NR6A1: variants seen among roughly 807,000 people sequenced by gnomAD.
NR6A1 encodes nuclear receptor subfamily 6 group A member 1.
NR6A1 carries 7 observed loss-of-function variants against 59.1 expected under a neutral mutation model. The ratio of observed to expected loss-of-function variants is 0.12; its 90% CI spans 0.07 to 0.22. The LOEUF is 0.22. Among genes scored for constraint, NR6A1 ranks in the 10% least tolerant of loss-of-function variants. NR6A1 has a pLI of 1.00. For synonymous variants in NR6A1, 243 were observed against 236.1 expected, an observed-to-expected ratio of 1.03 and a Z score of -0.27; for missense variants, 468 against 611.6, an observed-to-expected ratio of 0.77 and a Z score of 2.48.
chr9:124,649,936 A>T (rs1009456036), intron 2 of NR6A1, among the ~76,000 whole-genome samples: 1 of 152,184 alleles, frequency 6.6e-6, no homozygotes, highest in African/African-American at 2.4e-5. Context: ...TATAAAAAAG[A>T]CTGGTGCTGG....
chr9:124,675,608 C>G (rs1837930419), intron 2 of NR6A1, among the ~76,000 whole-genome samples: 1 of 152,232 alleles, frequency 6.6e-6, no homozygotes, highest in Non-Finnish European at 1.5e-5. Context: ...AATAGCAAGG[C>G]TACCCTCTTC....
intron 2 of NR6A1, among the ~76,000 whole-genome samples, chr9:124,589,510 T>G (rs945123015): frequency 3.3e-5 from 5 of 152,326 alleles, no homozygotes; most frequent in African/African-American, 9.6e-5. Flanking sequence ...ATAGTGTACA[T>G]GTACACATAC....
At chr9:124,557,380 A>C (rs1353406481) in intron 2 of NR6A1, among the ~76,000 whole-genome samples, 2 of 151,906 alleles carry the variant, frequency 1.3e-5, no homozygotes, top group Admixed American at 6.6e-5. Flanking sequence ...TGATCCACCC[A>C]CCTCGGCCTC....
intron 9 of NR6A1, 81 bp from the exon 10 acceptor site, chr9:124,522,874 G>T: frequency 9.1e-7 from 1 of 1,103,034 alleles, no homozygotes; most frequent in Non-Finnish European, 1.3e-6. Context: ...GCTGGTGGAG[G>T]CAGAGTATCA....
intron 2 of NR6A1, among the ~76,000 whole-genome samples, chr9:124,681,985 GTTTTGTTTTGTT>G (rs1564234661): frequency 2.0e-5 from 3 of 151,538 alleles, no homozygotes; most frequent in Admixed American, 2.0e-4. Flanking sequence ...TTTTTGTTTT[GTTTTGTTTTGTT>G]TTTTGTTTTG....
chr9:124,737,414 G>A (rs911212569), intron 1 of NR6A1, among the ~76,000 whole-genome samples: 4 of 152,202 alleles, frequency 2.6e-5, no homozygotes, highest in African/African-American at 9.7e-5. Context: ...CTATTGTCAA[G>A]CAGAGTTTTG....
intron 2 of NR6A1, among the ~76,000 whole-genome samples, chr9:124,686,179 C>A (rs1396680379): frequency 2.6e-5 from 4 of 152,060 alleles, no homozygotes; most frequent in Non-Finnish European, 5.9e-5. Flanking sequence ...GTATAAATTA[C>A]TATAAGACTA....
chr9:124,541,586 T>A (rs1408790278), intron 4 of NR6A1, among the ~76,000 whole-genome samples: 1 of 152,206 alleles, frequency 6.6e-6, no homozygotes, highest in Non-Finnish European at 1.5e-5. Flanking sequence ...TTAGTGGGAA[T>A]GTAAAACGGT....
intron 2 of NR6A1, among the ~76,000 whole-genome samples, chr9:124,634,645 C>T (rs1056487065): frequency 1.3e-5 from 2 of 152,150 alleles, no homozygotes; most frequent in South Asian, 4.1e-4. Context: ...CACGGTGAAA[C>T]CCCGTCTCTA....
chr9:124,688,923 A>C (rs1422046965), intron 2 of NR6A1, among the ~76,000 whole-genome samples: 1 of 152,208 alleles, frequency 6.6e-6, no homozygotes, highest in Non-Finnish European at 1.5e-5. Context: ...TAATCCTCAC[A>C]ATCAATGAAG....
At chr9:124,699,439 T>C (rs997323136) in intron 2 of NR6A1, among the ~76,000 whole-genome samples, 6 of 152,168 alleles carry the variant, frequency 3.9e-5, no homozygotes, top group Non-Finnish European at 7.3e-5. Context: ...AAACAAGAAG[T>C]TGCTATTATA....
intron 2 of NR6A1, among the ~76,000 whole-genome samples, chr9:124,685,301 T>C (rs540060351): frequency 1.3e-5 from 2 of 152,350 alleles, no homozygotes; most frequent in South Asian, 4.1e-4. Flanking sequence ...TTTAGCAGGC[T>C]ACATTTCCCA....
At chr9:124,715,527 C>T (rs1839393237) in intron 2 of NR6A1, among the ~76,000 whole-genome samples, 1 of 151,886 alleles carries the variant, frequency 6.6e-6, no homozygotes, top group African/African-American at 2.4e-5. Context: ...CAGAGTGAGA[C>T]CTAGTCTCTA....
chr9:124,544,688 C>T (rs1235579843), intron 3 of NR6A1, among the ~76,000 whole-genome samples: 1 of 152,078 alleles, frequency 6.6e-6, no homozygotes, highest in Non-Finnish European at 1.5e-5. Flanking sequence ...AATTTCCAAG[C>T]GGCTTAATCT....
chr9:124,568,856 G>A (rs1170633831), intron 2 of NR6A1, among the ~76,000 whole-genome samples: 1 of 151,866 alleles, frequency 6.6e-6, no homozygotes, highest in African/African-American at 2.4e-5. Flanking sequence ...GCTCACGCCT[G>A]TAATCCCAGC....
chr9:124,704,319 C>T (rs1415719952), intron 2 of NR6A1, among the ~76,000 whole-genome samples: 2 of 152,172 alleles, frequency 1.3e-5, no homozygotes, highest in Non-Finnish European at 2.9e-5. Context: ...TTTAGTTTCA[C>T]TGATTTTTCT....
intron 2 of NR6A1, among the ~76,000 whole-genome samples, chr9:124,618,154 G>T (rs766999417): frequency 2.0e-5 from 3 of 152,140 alleles, no homozygotes; most frequent in Non-Finnish European, 4.4e-5. Context: ...TGAGCTGGGG[G>T]CAAGGGAAGG....
At chr9:124,646,564 G>A (rs532325737) in intron 2 of NR6A1, among the ~76,000 whole-genome samples, 4 of 152,104 alleles carry the variant, frequency 2.6e-5, no homozygotes, top group Admixed American at 1.3e-4. Flanking sequence ...TAGATCAGAG[G>A]TGTCCAATCT....
At chr9:124,524,898 CACACAT>C (rs1443704050) in intron 8 of NR6A1, 25 bp from the exon 9 acceptor site, 4 of 1,588,282 alleles carry the variant, frequency 2.5e-6, no homozygotes, top group Non-Finnish European at 3.4e-6. Context: ...AAAACACACA[CACACAT>C]ACAGGGAATG....
Sources: gnomAD v4.1 joint callset for allele counts (sites outside exome capture counted in the v4.1 genomes callset) on GRCh38, gnomAD v4.1.1 for gene constraint, MANE v1.5 for transcripts, NCBI Gene and HGNC (gene_info 2026-07-23, HGNC 2026-07-21) for gene names.